CNBD1: variants seen among roughly 807,000 people sequenced by gnomAD.
CNBD1 encodes the protein cyclic nucleotide binding domain containing 1, also known as cyclic nucleotide-binding domain-containing protein 1.
CNBD1 carries 71 observed loss-of-function variants against 54.4 expected under a neutral mutation model. That is an observed-to-expected ratio of 1.30 (90% confidence interval 1.08 to 1.59). The LOEUF is 1.59. CNBD1 is among the 40% of genes most tolerant of loss of function. CNBD1 has a pLI of 0.00. For synonymous variants in CNBD1, 182 were observed against 170.7 expected (o/e 1.07, Z -0.51); for missense variants, 659 against 518.0 (o/e 1.27, Z -2.64).
chr8:86,893,590 C>T (rs1207768432), intron 2 of CNBD1, among the ~76,000 whole-genome samples: 2 of 152,124 alleles, frequency 1.3e-5, no homozygotes, highest in African/African-American at 4.8e-5. Flanking sequence ...ATCATTCTTT[C>T]CTGAAAACTT....
intron 4 of CNBD1, among the ~76,000 whole-genome samples, chr8:86,977,536 G>A (rs1002008773): frequency 6.6e-6 from 1 of 152,060 alleles, no homozygotes; most frequent in Non-Finnish European, 1.5e-5. Flanking sequence ...AGAAATCAAA[G>A]AGGAGACATT....
intron 4 of CNBD1, among the ~76,000 whole-genome samples, chr8:87,007,573 T>C (rs750953748): frequency 6.6e-5 from 10 of 152,214 alleles, no homozygotes; most frequent in Non-Finnish European, 1.2e-4. Context: ...TTCTTTCCTA[T>C]GTTACTGATG....
intron 4 of CNBD1, among the ~76,000 whole-genome samples, chr8:87,012,002 A>G (rs1335902576): frequency 1.3e-5 from 2 of 152,232 alleles, no homozygotes. Context: ...TACAAAACAC[A>G]GAAAATCCTA....
chr8:87,037,305 A>T (rs927145646), intron 4 of CNBD1, among the ~76,000 whole-genome samples: 1 of 152,086 alleles, frequency 6.6e-6, no homozygotes, highest in Non-Finnish European at 1.5e-5. Context: ...CTTTGCAGTG[A>T]TATACTTCTA....
At chr8:87,040,058 C>T (rs185586860) in intron 4 of CNBD1, among the ~76,000 whole-genome samples, 3 of 142,348 alleles carry the variant, frequency 2.1e-5, no homozygotes, top group Admixed American at 7.6e-5. Context: ...GATGTTATCT[C>T]CAGGAGCAAT....
intron 3 of CNBD1, among the ~76,000 whole-genome samples, chr8:86,922,496 G>A (rs1563822975): frequency 6.6e-6 from 1 of 152,096 alleles, no homozygotes; most frequent in Non-Finnish European, 1.5e-5. Flanking sequence ...CTTGTCCTTT[G>A]TACCCCAAAT....
intron 4 of CNBD1, among the ~76,000 whole-genome samples, chr8:86,976,718 A>G (rs1036055822): frequency 6.6e-6 from 1 of 151,898 alleles, no homozygotes; most frequent in African/African-American, 2.4e-5. Flanking sequence ...AGTGTCCTGT[A>G]GTTTTCAGTA....
chr8:86,923,091 A>G (rs1809301539), intron 3 of CNBD1, among the ~76,000 whole-genome samples: 1 of 152,194 alleles, frequency 6.6e-6, no homozygotes, highest in Non-Finnish European at 1.5e-5. Context: ...CAAAACACAC[A>G]AATAAGGTAA....
At chr8:87,377,308 A>C (rs868762292) in intron 10 of CNBD1, among the ~76,000 whole-genome samples, 2,134 of 70,482 alleles carry the variant, frequency 0.03, 35 homozygotes, top group African/African-American at 0.094. Context: ...CCCCCTCCCC[A>C]CACCCCACAA....
chr8:86,930,923 G>A (rs1008330212), intron 3 of CNBD1, among the ~76,000 whole-genome samples: 5 of 152,110 alleles, frequency 3.3e-5, no homozygotes, highest in African/African-American at 7.2e-5. Flanking sequence ...GATTGGGTGG[G>A]CATTTTTTGC....
intron 4 of CNBD1, among the ~76,000 whole-genome samples, chr8:86,963,512 G>T (rs1436056414): frequency 6.6e-6 from 1 of 152,164 alleles, no homozygotes; most frequent in East Asian, 1.9e-4. Context: ...CCAAATTGCA[G>T]CTAGCAACTG....
intron 4 of CNBD1, among the ~76,000 whole-genome samples, chr8:87,114,189 A>G (rs1164708386): frequency 6.6e-6 from 1 of 152,240 alleles, no homozygotes; most frequent in East Asian, 1.9e-4. Flanking sequence ...GAAATTGCTC[A>G]CACACAAATA....
intron 4 of CNBD1, among the ~76,000 whole-genome samples, chr8:86,984,282 AAACACCTAGAT>A (rs1460459261): frequency 6.6e-6 from 1 of 152,190 alleles, no homozygotes. Context: ...GGATGTGTAG[AAACACCTAGAT>A]ACCCAGGCAG....
At chr8:87,256,012 TA>T (rs1221978531) in intron 6 of CNBD1, among the ~76,000 whole-genome samples, 63 of 19,810 alleles carry the variant, frequency 3.2e-3, no homozygotes, top group African/African-American at 7.3e-3. Context: ...TATATATATA[TA>T]TATTTTTTTT....
At chr8:87,286,091 T>A (rs1317349469) in intron 7 of CNBD1, among the ~76,000 whole-genome samples, 1 of 152,140 alleles carries the variant, frequency 6.6e-6, no homozygotes, top group African/African-American at 2.4e-5. Flanking sequence ...GTGTCAGTAG[T>A]GCAGGTAATT....
At chr8:86,979,381 C>T (rs951322787) in intron 4 of CNBD1, among the ~76,000 whole-genome samples, 1 of 64,472 alleles carries the variant, frequency 1.6e-5, no homozygotes, top group African/African-American at 6.2e-5. Flanking sequence ...GTCTGGGCAA[C>T]ATGGAGAAAA....
chr8:86,916,025 T>C (rs1466359274), intron 3 of CNBD1, among the ~76,000 whole-genome samples: 2 of 152,168 alleles, frequency 1.3e-5, no homozygotes, highest in Non-Finnish European at 2.9e-5. Context: ...AGTATTTCCT[T>C]CCCTGTATCC....
At chr8:87,416,288 C>G (rs551653265) in intron 2 of CNBD1, among the ~76,000 whole-genome samples, 1 of 151,926 alleles carries the variant, frequency 6.6e-6, no homozygotes, top group East Asian at 1.9e-4. Context: ...AAATAAGGAC[C>G]TTCAAACATT....
At chr8:87,368,186 GAA>G (rs1563572443) in intron 10 of CNBD1, among the ~76,000 whole-genome samples, 14 of 144,196 alleles carry the variant, frequency 9.7e-5, no homozygotes, top group African/African-American at 3.5e-4. Context: ...GAAAAGAAAA[GAA>G]TATGTTATAG....
Sources: gnomAD v4.1 joint callset for allele counts (sites outside exome capture counted in the v4.1 genomes callset) on GRCh38, gnomAD v4.1.1 for gene constraint, MANE v1.5 for transcripts, NCBI Gene and HGNC (gene_info 2026-07-23, HGNC 2026-07-21) for gene names.